The following PRR16 variants were observed in gnomAD, a reference collection of about 807,000 sequenced individuals.
The protein encoded by PRR16 is protein Largen.
PRR16 carries 6 observed loss-of-function variants against 18.2 expected under a neutral mutation model. The ratio of observed to expected loss-of-function variants is 0.33; its 90% CI spans 0.18 to 0.65. The LOEUF (loss-of-function observed/expected upper bound fraction) is 0.65, where lower values mean the gene tolerates loss of function less well. PRR16 is among the 30% of genes least tolerant of loss of function. The pLI is 0.74. For missense variants in PRR16, 412 were observed against 376.6 expected (o/e 1.09, Z -0.78); for synonymous variants, 151 against 147.8 (o/e 1.02, Z -0.16).
intron 1 of PRR16, among the ~76,000 whole-genome samples, chr5:120,555,276 A>T (rs1218767099): frequency 2.6e-5 from 4 of 151,916 alleles, no homozygotes; most frequent in Non-Finnish European, 2.9e-5. Context: ...TTTGAAAAGA[A>T]TCGAGCACTG....
chr5:120,665,974 GT>G (rs1756360564), intron 1 of PRR16, among the ~76,000 whole-genome samples: 1 of 151,814 alleles, frequency 6.6e-6, no homozygotes, highest in African/African-American at 2.4e-5. Context: ...CTTTAAAGTA[GT>G]TTTTTCCAAT....
chr5:120,556,339 C>T (rs1752411813), intron 1 of PRR16, among the ~76,000 whole-genome samples: 2 of 144,904 alleles, frequency 1.4e-5, no homozygotes, highest in East Asian at 2.1e-4. Context: ...TTTAATTTAT[C>T]CAGTTGGCTT....
chr5:120,529,969 T>G (rs2112664252), intron 1 of PRR16, among the ~76,000 whole-genome samples: 1 of 151,644 alleles, frequency 6.6e-6, no homozygotes, highest in South Asian at 2.1e-4. Flanking sequence ...AATTGAGTTT[T>G]GGGTGCTGGG....
intron 1 of PRR16, among the ~76,000 whole-genome samples, chr5:120,583,199 T>C (rs1017940417): frequency 5.3e-5 from 8 of 152,216 alleles, no homozygotes; most frequent in African/African-American, 1.9e-4. Flanking sequence ...TCTTCCACTG[T>C]ATCGTATTGG....
chr5:120,502,812 A>G (rs1057350678), intron 1 of PRR16, among the ~76,000 whole-genome samples: 2 of 152,172 alleles, frequency 1.3e-5, no homozygotes, highest in African/African-American at 2.4e-5. Flanking sequence ...CCAACAAACT[A>G]TGGGTCTATT....
intron 1 of PRR16, among the ~76,000 whole-genome samples, chr5:120,593,229 AT>A (rs539829718): frequency 6.6e-6 from 1 of 151,942 alleles, no homozygotes; most frequent in Non-Finnish European, 1.5e-5. Context: ...TCTAGAATTG[AT>A]TTTTTTGAAA....
In PRR16 at chr5:120,581,481, G is replaced by A. The variant is rs113878813; in HGVS notation, c.160-104473G>A. ...TTTCAAAAAACCAGCTCCTGGATTC[G>A]TTGATTTTTTGGAGGTTTTTCCGTG... On this transcript the variant is annotated intron_variant, in intron 1 of 1. Coordinates refer to ENST00000407149, the MANE Select transcript of PRR16 (RefSeq NM_001300783.2). 8.3e-3 allele frequency among the ~76,000 whole-genome samples: 1,255 copies of A among 151,968 alleles called. 24 individuals carry two copies. The highest frequency in any genetic ancestry group is 0.028 in the African/African-American group (1,146 of 41,466).
At chr5:120,606,654 G>C (rs1303994744) in intron 1 of PRR16, among the ~76,000 whole-genome samples, 9 of 152,088 alleles carry the variant, frequency 5.9e-5, no homozygotes, top group Non-Finnish European at 4.4e-5. Context: ...TATAATCCCA[G>C]CATGTTGAGA....
intron 1 of PRR16, among the ~76,000 whole-genome samples, chr5:120,532,821 A>G (rs1020681725): frequency 3.9e-5 from 6 of 152,258 alleles, no homozygotes; most frequent in African/African-American, 1.4e-4. Flanking sequence ...AGAAGCAAAA[A>G]CCTATCCCAA....
At chr5:120,760,997 C>A in the PRR16 span, among the ~76,000 whole-genome samples, 15 of 152,030 alleles carry the variant, frequency 9.9e-5, no homozygotes, top group Admixed American at 5.9e-4. Flanking sequence ...GGAGGGAGAC[C>A]AAACCAGGTC....
At chr5:120,611,317 G>A (rs1408842987) in intron 1 of PRR16, among the ~76,000 whole-genome samples, 1 of 152,218 alleles carries the variant, frequency 6.6e-6, no homozygotes, top group African/African-American at 2.4e-5. Context: ...CAAGCCAGCT[G>A]CAGAAATCTG....
chr5:120,699,644 C>T, the PRR16 span, among the ~76,000 whole-genome samples: 1 of 152,168 alleles, frequency 6.6e-6, no homozygotes, highest in African/African-American at 2.4e-5. Flanking sequence ...ACTTTGAGGG[C>T]CTCTATAAGT....
At chr5:120,499,775 T>C (rs879790340) in intron 1 of PRR16, among the ~76,000 whole-genome samples, 13 of 152,152 alleles carry the variant, frequency 8.5e-5, no homozygotes, top group Admixed American at 7.9e-4. Flanking sequence ...TCTTTTTTTT[T>C]TTTCCATTTC....
chr5:120,667,493 C>T (rs1159807260), intron 1 of PRR16, among the ~76,000 whole-genome samples: 14 of 151,714 alleles, frequency 9.2e-5, no homozygotes, highest in Admixed American at 8.5e-4. Context: ...TTGCCTTCTG[C>T]TAGCTTTTGA....
At chr5:120,736,074 A>G in the PRR16 span, among the ~76,000 whole-genome samples, 1 of 152,138 alleles carries the variant, frequency 6.6e-6, no homozygotes, top group Non-Finnish European at 1.5e-5. Context: ...TGAGGAGGCT[A>G]TTCTTTCCTC....
chr5:120,583,313 ATGTGTG>A (rs35255792), intron 1 of PRR16, among the ~76,000 whole-genome samples: 31,337 of 149,024 alleles, frequency 0.21, 4,222 homozygotes, highest in African/African-American at 0.39. Context: ...ATACAAAATA[ATGTGTG>A]TGTGTGTGTG....
At chr5:120,640,187 A>G (rs1755374210) in intron 1 of PRR16, among the ~76,000 whole-genome samples, 1 of 152,076 alleles carries the variant, frequency 6.6e-6, no homozygotes, top group South Asian at 2.1e-4. Flanking sequence ...AAATCCACCT[A>G]TTGGGTACTA....
the PRR16 span, among the ~76,000 whole-genome samples, chr5:120,753,939 A>ATT: frequency 4.0e-3 from 33 of 8,150 alleles, 1 homozygote; most frequent in South Asian, 0.34. Context: ...TATTATATAT[A>ATT]ATATATGTTA....
chr5:120,614,427 A>C (rs1252077354), intron 1 of PRR16, among the ~76,000 whole-genome samples: 1 of 152,234 alleles, frequency 6.6e-6, no homozygotes, highest in Admixed American at 6.5e-5. Context: ...AACAAATTCA[A>C]ATCATTTTCT....
Sources: allele counts gnomAD v4.1 joint callset (sites outside exome capture counted in the v4.1 genomes callset), GRCh38; gene constraint gnomAD v4.1.1; transcripts MANE v1.5; gene names NCBI Gene and HGNC (gene_info 2026-07-23, HGNC 2026-07-21).